Variants in XIRP2 observed in about 807,000 individuals in gnomAD.
The protein encoded by XIRP2 is xin actin binding repeat containing 2, also known as xin actin-binding repeat-containing protein 2.
A neutral mutation model predicts 277.0 loss-of-function variants in XIRP2; 236 were observed. The ratio of observed to expected loss-of-function variants is 0.85; its 90% CI spans 0.77 to 0.95. The LOEUF (loss-of-function observed/expected upper bound fraction) is 0.95, where lower values mean the gene tolerates loss of function less well. Among genes scored for constraint, XIRP2 ranks in the 40% least tolerant of loss-of-function variants. The pLI is 0.00. For synonymous variants in XIRP2, 1,490 were observed against 1,416.5 expected (o/e 1.05, Z -1.17); for missense variants, 4,640 against 4,157.5 (o/e 1.12, Z -3.19).
At chr2:166,979,364 CTTTTCT>C (rs1170679028) in intron 2 of XIRP2, among the ~76,000 whole-genome samples, 3,471 of 115,546 alleles carry the variant, frequency 0.03, 24 homozygotes, top group East Asian at 0.079. Context: ...CTTTTCTTTT[CTTTTCT>C]TTTTTTTTTT....
chr2:167,105,818 A>G (rs1387520880), intron 2 of XIRP2, among the ~76,000 whole-genome samples: 1 of 151,724 alleles, frequency 6.6e-6, no homozygotes, highest in Non-Finnish European at 1.5e-5. Context: ...AGCATTTATT[A>G]TTGTTACCAT....
intron 4 of XIRP2, among the ~76,000 whole-genome samples, chr2:167,217,808 AG>A: frequency 6.6e-6 from 1 of 152,278 alleles, no homozygotes; most frequent in Non-Finnish European, 1.5e-5. Context: ...AACTTTATTG[AG>A]GGTTAAAATT....
At chr2:167,032,423 T>C (rs1271266325) in intron 2 of XIRP2, among the ~76,000 whole-genome samples, 1 of 151,984 alleles carries the variant, frequency 6.6e-6, no homozygotes, top group Non-Finnish European at 1.5e-5. Flanking sequence ...CAAAAGCAAC[T>C]GCAGAAAAAG....
intron 2 of XIRP2, among the ~76,000 whole-genome samples, chr2:167,078,816 C>A (rs183737294): frequency 7.3e-6 from 1 of 136,586 alleles, no homozygotes; most frequent in Admixed American, 8.1e-5. Context: ...CCAGCCTGAG[C>A]GACACAGTGA....
intron 2 of XIRP2, among the ~76,000 whole-genome samples, chr2:166,951,776 C>A (rs1033005645): frequency 1.3e-5 from 2 of 152,008 alleles, no homozygotes; most frequent in African/African-American, 2.4e-5. Flanking sequence ...CTTCTGCAAT[C>A]TTTACCCATG....
At chr2:167,180,138 C>T (rs1692973847) in intron 3 of XIRP2, among the ~76,000 whole-genome samples, 1 of 152,100 alleles carries the variant, frequency 6.6e-6, no homozygotes, top group South Asian at 2.1e-4. Flanking sequence ...GATCAGTTGT[C>T]TTTTTTCTTT....
At chr2:167,231,384 A>G (rs1694747635) in intron 5 of XIRP2, among the ~76,000 whole-genome samples, 1 of 152,038 alleles carries the variant, frequency 6.6e-6, no homozygotes, top group Non-Finnish European at 1.5e-5. Context: ...CATGGAACAT[A>G]CGTTACCAAA....
chr2:166,896,493 T>TA (rs200125210), intron 1 of XIRP2, among the ~76,000 whole-genome samples: 24 of 142,570 alleles, frequency 1.7e-4, no homozygotes, highest in East Asian at 6.1e-4. Flanking sequence ...TTTTAAAAAG[T>TA]AAAAAAAAAA....
At chr2:167,002,598 T>A (rs1349432774) in intron 2 of XIRP2, among the ~76,000 whole-genome samples, 2 of 152,030 alleles carry the variant, frequency 1.3e-5, no homozygotes, top group East Asian at 3.9e-4. Flanking sequence ...AAGAGAATTA[T>A]CTTTCCTTCT....
chr2:167,227,055 A>G (rs1336523188), intron 5 of XIRP2, among the ~76,000 whole-genome samples: 5 of 152,128 alleles, frequency 3.3e-5, no homozygotes, highest in Non-Finnish European at 5.9e-5. Flanking sequence ...ATGTACAGCA[A>G]TGACTATGAC....
intron 2 of XIRP2, among the ~76,000 whole-genome samples, chr2:166,952,477 G>A (rs1292201731): frequency 6.6e-6 from 1 of 151,866 alleles, no homozygotes; most frequent in East Asian, 1.9e-4. Flanking sequence ...CCATTCTTCT[G>A]AGAATTTTGC....
Position 167,244,007 on chromosome 2 carries a change from T to C in XIRP2, c.2615T>C (p.Val872Ala). ...LQREEIIGGD[V>A]QTTKHLFETL... ...CGTGAGGAGATAATAGGTGGTGATG[T>C]ACAAACTACTAAGCATCTATTTGAA... Residue 872 changes from valine to alanine, a missense_variant, in exon 9 of 11, where the codon GTA (valine) becomes GCA (alanine). Transcript: ENST00000409195. 6.2e-7 allele frequency: 1 copy of C among 1,614,022 alleles called. No individual in the cohort carries two copies. Among genetic ancestry groups the C allele is most frequent in the Non-Finnish European group, 8.5e-7 (1 of 1,179,940 alleles).
chr2:166,938,332 C>T (rs540232263), intron 2 of XIRP2, among the ~76,000 whole-genome samples: 45 of 152,276 alleles, frequency 3.0e-4, no homozygotes, highest in African/African-American at 1.0e-3. Context: ...ACCTTTATTT[C>T]TGCCTTCATT....
chr2:167,124,229 AT>A (rs1293069708), intron 2 of XIRP2: 8 of 152,278 alleles, frequency 5.3e-5, no homozygotes, highest in African/African-American at 9.6e-5. Flanking sequence ...TTTAGGACTG[AT>A]TTTGTTTCTC....
intron 3 of XIRP2, among the ~76,000 whole-genome samples, chr2:167,198,036 T>C (rs1199399828): frequency 6.6e-6 from 1 of 152,176 alleles, no homozygotes. Flanking sequence ...AGGTTTTGAA[T>C]CTGAGAGAAA....
intron 2 of XIRP2, among the ~76,000 whole-genome samples, chr2:167,093,538 A>G (rs1269770182): frequency 6.6e-6 from 1 of 151,562 alleles, no homozygotes; most frequent in South Asian, 2.1e-4. Context: ...TCATTGTTCA[A>G]CTCCCACTTA....
At chr2:167,032,363 C>T (rs1199394284) in intron 2 of XIRP2, among the ~76,000 whole-genome samples, 1 of 152,044 alleles carries the variant, frequency 6.6e-6, no homozygotes, top group Non-Finnish European at 1.5e-5. Context: ...AAAACCTAGG[C>T]AATACCATTC....
At chr2:166,905,907 T>C (rs527520898) in intron 2 of XIRP2, among the ~76,000 whole-genome samples, 29 of 152,132 alleles carry the variant, frequency 1.9e-4, no homozygotes, top group Admixed American at 7.9e-4. Context: ...CCATAGCATA[T>C]TGATTACATA....
At chr2:167,113,756 GTT>G (rs886452621) in intron 2 of XIRP2, among the ~76,000 whole-genome samples, 1 of 152,174 alleles carries the variant, frequency 6.6e-6, no homozygotes, top group African/African-American at 2.4e-5. Flanking sequence ...ACGTAAGTGT[GTT>G]TTTGTAGTGT....
Sources: gnomAD v4.1 joint callset for allele counts (sites outside exome capture counted in the v4.1 genomes callset) on GRCh38, gnomAD v4.1.1 for gene constraint, MANE v1.5 for transcripts, NCBI Gene and HGNC (gene_info 2026-07-23, HGNC 2026-07-21) for gene names.